The following SLC16A7 variants were observed in gnomAD, a reference collection of about 807,000 sequenced individuals.
The protein encoded by SLC16A7 is solute carrier family 16 member 7, also known as monocarboxylate transporter 2.
Under a neutral mutation model 34.9 loss-of-function variants are expected in SLC16A7, and 33 were observed. The ratio of observed to expected loss-of-function variants is 0.94; its 90% CI spans 0.72 to 1.26. The LOEUF is 1.26. Among genes scored for constraint, SLC16A7 ranks in the 50% most tolerant of loss-of-function variants. The pLI is 0.00. For missense variants in SLC16A7, 573 were observed against 578.1 expected (o/e 0.99, Z 0.09); for synonymous variants, 201 against 206.6 (o/e 0.97, Z 0.23).
intron 2 of SLC16A7, among the ~76,000 whole-genome samples, chr12:59,703,865 A>G (rs936078073): frequency 6.6e-6 from 1 of 152,120 alleles, no homozygotes; most frequent in Non-Finnish European, 1.5e-5. Context: ...AATATGTATA[A>G]CAAAACATGT....
intron 3 of SLC16A7, among the ~76,000 whole-genome samples, chr12:59,750,851 G>A (rs1001877613): frequency 1.9e-4 from 29 of 152,012 alleles, no homozygotes; most frequent in African/African-American, 5.3e-4. Context: ...AAAATGTGGC[G>A]CATATACACC....
intron 3 of SLC16A7, among the ~76,000 whole-genome samples, chr12:59,740,885 A>G (rs1486962511): frequency 3.3e-5 from 5 of 152,122 alleles, no homozygotes; most frequent in Non-Finnish European, 7.4e-5. Flanking sequence ...AAATCAATGT[A>G]CAAAAATCAC....
At chr12:59,631,997 C>T (rs1399605178) in intron 1 of SLC16A7, among the ~76,000 whole-genome samples, 3 of 151,726 alleles carry the variant, frequency 2.0e-5, no homozygotes, top group Non-Finnish European at 4.4e-5. Context: ...TATAAAAACC[C>T]TAAGACAGTA....
intron 1 of SLC16A7, among the ~76,000 whole-genome samples, chr12:59,599,992 G>A (rs1878608298): frequency 6.6e-6 from 1 of 152,182 alleles, no homozygotes; most frequent in South Asian, 2.1e-4. Flanking sequence ...GAGGGGCTCT[G>A]AAGTCCAGCC....
intron 3 of SLC16A7, among the ~76,000 whole-genome samples, chr12:59,742,520 A>C (rs1295763660): frequency 6.6e-6 from 1 of 152,224 alleles, no homozygotes; most frequent in Non-Finnish European, 1.5e-5. Context: ...GAAAGTGAGA[A>C]ATCACAGTGG....
At chr12:59,622,478 G>T (rs1324253994) in intron 1 of SLC16A7, among the ~76,000 whole-genome samples, 2 of 151,752 alleles carry the variant, frequency 1.3e-5, no homozygotes, top group African/African-American at 4.8e-5. Context: ...TATATATTCT[G>T]TATATTCTGC....
At chr12:59,766,474 AG>A (rs1403358098) in intron 3 of SLC16A7, among the ~76,000 whole-genome samples, 1 of 152,160 alleles carries the variant, frequency 6.6e-6, no homozygotes, top group African/African-American at 2.4e-5. Flanking sequence ...GGTTTGTCAT[AG>A]ATAGCTCTTA....
chr12:59,700,360 G>A (rs1872735025), intron 2 of SLC16A7, among the ~76,000 whole-genome samples: 1 of 151,256 alleles, frequency 6.6e-6, no homozygotes, highest in South Asian at 2.1e-4. Flanking sequence ...AAGTCTATGT[G>A]CATCATGTCT....
chr12:59,609,759 A>T (rs2136965269), intron 1 of SLC16A7, among the ~76,000 whole-genome samples: 1 of 152,268 alleles, frequency 6.6e-6, no homozygotes, highest in Middle Eastern at 3.4e-3. Context: ...TTGCTCAGTT[A>T]TGCATTCAGA....
intron 3 of SLC16A7, among the ~76,000 whole-genome samples, chr12:59,706,719 A>T (rs1327277101): frequency 6.6e-6 from 1 of 152,170 alleles, no homozygotes; most frequent in Non-Finnish European, 1.5e-5. Context: ...GCACACAGTC[A>T]TCTTGATTTC....
intron 2 of SLC16A7, among the ~76,000 whole-genome samples, chr12:59,663,533 C>G (rs937588268): frequency 5.3e-5 from 8 of 152,038 alleles, no homozygotes; most frequent in African/African-American, 1.9e-4. Flanking sequence ...GTATTGAACA[C>G]TTACTAGCCA....
rs1883343827 is a variant in SLC16A7, at chr12:59,782,864, TC to T, written c.*3186del. On this transcript the variant is annotated 3_prime_UTR_variant, in exon 6 of 6. Coordinates refer to ENST00000547379, the MANE Select transcript of SLC16A7 (RefSeq NM_001270623.2). ...TTTTCTCAGTATAAATCTACAGGACTCATAAACAATCACTTTTTTGGTGCCA... is the reference window on the plus strand; with the variant it reads ...TTTTCTCAGTATAAATCTACAGGACTATAAACAATCACTTTTTTGGTGCCA... The T allele has an allele frequency of 6.6e-6, 1 of 152,210 alleles. No homozygotes were observed. Among genetic ancestry groups the T allele is most frequent in the African/African-American group, 2.4e-5 (1 of 41,458 alleles). 9.4% of individuals were successfully genotyped at this position (152,210 alleles called of 1,614,324 possible).
At chr12:59,741,173 G>A (rs1878288276) in intron 3 of SLC16A7, among the ~76,000 whole-genome samples, 1 of 152,180 alleles carries the variant, frequency 6.6e-6, no homozygotes, top group South Asian at 2.1e-4. Context: ...TCCCCATCAA[G>A]CTACCGATGA....
At chr12:59,667,721 G>A (rs1023717152) in intron 2 of SLC16A7, among the ~76,000 whole-genome samples, 9 of 152,218 alleles carry the variant, frequency 5.9e-5, no homozygotes, top group African/African-American at 2.2e-4. Flanking sequence ...AAGTAACAAG[G>A]AGCCAAATGC....
intron 3 of SLC16A7, among the ~76,000 whole-genome samples, chr12:59,762,027 T>A (rs1881068263): frequency 6.6e-6 from 1 of 152,080 alleles, no homozygotes; most frequent in South Asian, 2.1e-4. Context: ...TGGGCCCTCA[T>A]CAGGCTACCA....
At chr12:59,745,547 C>A (rs2711660) in intron 3 of SLC16A7, among the ~76,000 whole-genome samples, 18,653 of 152,102 alleles carry the variant, frequency 0.12, 1,497 homozygotes, top group African/African-American at 0.22. Flanking sequence ...GGTTGGTCAC[C>A]AAACACACAA....
rs1399447972 is a variant in SLC16A7, at chr12:59,775,210, C to T, written c.915C>T (p.Asn305=). ...FARPSVGLIA[N]SKYIRPRIQY... The stretch of plus-strand genomic sequence containing the variant: ...GGCCTTCTGTAGGATTAATTGCAAA[C>T]TCCAAATATATTCGACCTCGAATTC... The change falls in exon 5 of 6, where the codon AAC becomes AAT. Residue 305 remains asparagine (N), a synonymous_variant. Transcript: ENST00000547379. The T allele has an allele frequency of 6.2e-7, 1 of 1,614,138 alleles. No individual in the cohort carries two copies.
rs141015380 is a variant in SLC16A7 at position 59,639,029 on chromosome 12, A to AT, written c.-129-16117dup. Among the ~76,000 whole-genome samples the AT allele has an allele frequency of 5.8e-3, 882 of 152,128 alleles. 4 individuals are homozygous for AT. Among genetic ancestry groups the AT allele is most frequent in the African/African-American group, 0.02 (845 of 41,524 alleles). On this transcript the variant is annotated intron_variant, in intron 1 of 5. Transcript: ENST00000547379. The stretch of plus-strand genomic sequence containing the variant: ...AATTCTTTAAAAGTGCATTGGTTAT[A>AT]TTTTTTCAAAGTTTTTTCAGCAATT...
intron 3 of SLC16A7, among the ~76,000 whole-genome samples, chr12:59,720,535 G>A (rs1224142373): frequency 2.0e-5 from 3 of 151,814 alleles, no homozygotes; most frequent in Non-Finnish European, 2.9e-5. Context: ...TACAATATAG[G>A]GGAAAATTAT....
Sources: allele counts gnomAD v4.1 joint callset (sites outside exome capture counted in the v4.1 genomes callset), GRCh38; gene constraint gnomAD v4.1.1; transcripts MANE v1.5; gene names NCBI Gene and HGNC (gene_info 2026-07-23, HGNC 2026-07-21).